The following BMP1 variants were observed in gnomAD, a reference collection of about 807,000 sequenced individuals.
BMP1 encodes mammalian tolloid protein.
BMP1 carries 63 observed loss-of-function variants against 116.8 expected under a neutral mutation model. The observed-to-expected ratio is 0.54, with a 90% CI of 0.44 to 0.67. BMP1 has a LOEUF of 0.67. Ranked by LOEUF, BMP1 falls within the 30% of genes least tolerant of loss-of-function variation. BMP1 has a pLI of 0.00. For missense variants in BMP1, 1,183 were observed against 1,358.9 expected, an observed-to-expected ratio of 0.87 and a Z score of 2.04; for synonymous variants, 536 against 533.4, an observed-to-expected ratio of 1.00 and a Z score of -0.07.
intron 16 of BMP1, among the ~76,000 whole-genome samples, chr8:22,203,343 G>A (rs1829297936): frequency 6.6e-6 from 1 of 152,156 alleles, no homozygotes; most frequent in African/African-American, 2.4e-5. Flanking sequence ...ATCACTTGAG[G>A]TCAGGAATTC....
At chr8:22,191,347 C>A (rs1310299859) in intron 8 of BMP1, among the ~76,000 whole-genome samples, 1 of 152,222 alleles carries the variant, frequency 6.6e-6, no homozygotes, top group East Asian at 1.9e-4. Flanking sequence ...TGTCTCATCC[C>A]TCCCTAAGCC....
intron 1 of BMP1, chr8:22,169,222 C>T (rs531883481): frequency 6.6e-6 from 1 of 151,380 alleles, no homozygotes; most frequent in Non-Finnish European, 1.5e-5. Flanking sequence ...CTCCAGAGAT[C>T]TGGGGAGAAG....
chr8:22,169,700 A>G (rs1482896181), intron 1 of BMP1: 1 of 152,260 alleles, frequency 6.6e-6, no homozygotes, highest in African/African-American at 2.4e-5. Context: ...AGTCCTGCAC[A>G]TATAGCCTTG....
At position 22,194,787 on chromosome 8, in the gene BMP1, A is replaced by G. The variant is rs1450422249; in HGVS notation, c.1507A>G (p.Ser503Gly). Residue 503 changes from serine to glycine, a missense_variant, in exon 12 of 20, where the codon AGC (serine) becomes GGC (glycine). This residue lies in a region of BMP1 where 956 missense variants were observed against 1,135.2 expected (regional missense o/e 0.84). Transcript: ENST00000306385. This position sits in a 1 kb window ranked among gnomAD's most constrained non-coding sequence, Gnocchi z 4.5. Reference protein sequence around the residue: ...LEVRDGHSESSTLIGRYCGYE... With the variant: ...LEVRDGHSESGTLIGRYCGYE... ...GGTGCGCGACGGGCACAGTGAGAGC[A>G]GCACCCTCATCGGGCGCTACTGTGG... 6.2e-7 allele frequency: 1 copy of G among 1,614,078 alleles called. No individual in the cohort carries two copies. The highest frequency in any genetic ancestry group is 8.5e-7 in the Non-Finnish European group (1 of 1,179,976).
At chr8:22,183,332 C>T (rs563588576) in intron 8 of BMP1, among the ~76,000 whole-genome samples, 7 of 152,260 alleles carry the variant, frequency 4.6e-5, no homozygotes, top group African/African-American at 1.4e-4. Context: ...GGGAGGATTG[C>T]TTGAGCCTGG....
At chr8:22,201,418 T>A in intron 15 of BMP1, 1 of 1,426,618 alleles carries the variant, frequency 7.0e-7, no homozygotes, top group South Asian at 1.5e-5. Context: ...ATTTTGATGG[T>A]GTCTGTGACA....
chr8:22,192,091 C>T lies in BMP1; in HGVS notation c.1120C>T (p.Leu374=), dbSNP rs1323358473. ...GTCCCTGGACCTGTACCGCAGCCGCCTGTGCTGGTACGACTATGTGGAGGT... is the reference window on the plus strand; with the variant it reads ...GTCCCTGGACCTGTACCGCAGCCGCTTGTGCTGGTACGACTATGTGGAGGT... ...FTSLDLYRSR[L]CWYDYVEVRD... Residue 374 remains leucine (L), a synonymous_variant, in exon 9 of 20, where the codon CTG becomes TTG. Transcript: ENST00000306385. 31 of 1,613,928 alleles carry T rather than the reference C, an allele frequency of 1.9e-5. No homozygotes were observed. Among genetic ancestry groups the T allele is most frequent in the Non-Finnish European group, 2.5e-5 (30 of 1,179,924 alleles).
At chr8:22,177,818 C>T in intron 5 of BMP1, 34 bp from the exon 6 acceptor site, 2 of 1,522,672 alleles carry the variant, frequency 1.3e-6, no homozygotes, top group Non-Finnish European at 1.8e-6. Context: ...CCACCCCCTC[C>T]TCTCCCCCCA....
chr8:22,182,115 T>C (rs1238539319), intron 8 of BMP1, among the ~76,000 whole-genome samples: 2 of 152,252 alleles, frequency 1.3e-5, no homozygotes, highest in African/African-American at 2.4e-5. Flanking sequence ...TTTTCCTTGA[T>C]TGGGGCATGG....
chr8:22,195,824 T>A (rs1829068365), intron 13 of BMP1, among the ~76,000 whole-genome samples: 1 of 152,196 alleles, frequency 6.6e-6, no homozygotes, highest in South Asian at 2.1e-4. Flanking sequence ...TTTTAAAATT[T>A]TTTTTGTAGC....
intron 9 of BMP1, 106 bp from the exon 10 acceptor site, chr8:22,193,952 G>A: frequency 1.2e-6 from 1 of 844,266 alleles, no homozygotes; most frequent in Non-Finnish European, 2.0e-6. Flanking sequence ...GTGAAGTAGG[G>A]TGGCCACAGA....
chr8:22,174,527 A>G (rs1828374239), intron 2 of BMP1, among the ~76,000 whole-genome samples: 1 of 151,244 alleles, frequency 6.6e-6, no homozygotes, highest in African/African-American at 2.4e-5. Context: ...AAAGCTCCTC[A>G]CTGCCAGTGC....
chr8:22,205,215 G>A (rs985087643), intron 16 of BMP1, among the ~76,000 whole-genome samples: 1 of 152,142 alleles, frequency 6.6e-6, no homozygotes, highest in Non-Finnish European at 1.5e-5. Flanking sequence ...TTGAGGAGGG[G>A]GCTGGATGTT....
At chr8:22,195,664 T>A in intron 13 of BMP1, 77 bp downstream of exon 13, 2 of 1,459,902 alleles carry the variant, frequency 1.4e-6, no homozygotes, top group Admixed American at 2.2e-5. Context: ...TTTTTTTTTT[T>A]AGACAGGCTT....
Position 22,179,661 on chromosome 8 carries a change from C to A in BMP1, c.837-44C>A. 6.2e-7 allele frequency: 1 copy of A among 1,611,414 alleles called. No individual in the cohort carries two copies. The highest frequency in any genetic ancestry group is 1.7e-5 in the Admixed American group (1 of 59,924). On this transcript the variant is annotated intron_variant, in intron 6 of 19. Transcript: ENST00000306385. This position sits in a 1 kb window ranked among gnomAD's most constrained non-coding sequence, Gnocchi z 4.6. ...GGGCATGCCACCCACTCCCTGCCCACTGTCCATGAGACGCTCACCCTTACT... is the reference window on the plus strand; with the variant it reads ...GGGCATGCCACCCACTCCCTGCCCAATGTCCATGAGACGCTCACCCTTACT...
chr8:22,179,621 C>T lies in BMP1; in HGVS notation c.837-84C>T, dbSNP rs781183937. The T allele has an allele frequency of 8.7e-6, 14 of 1,601,448 alleles. No individual in the cohort carries two copies. Among genetic ancestry groups the T allele is most frequent in the Non-Finnish European group, 1.2e-5 (14 of 1,172,980 alleles). ...TGTCTGAGCTCCAGCAGGGTCGTGA[C>T]TTGTGGGTACAGATGGGCATGCCAC... On this transcript the variant is annotated intron_variant, in intron 6 of 19. Transcript: ENST00000306385. This position sits in a 1 kb window ranked among gnomAD's most constrained non-coding sequence, Gnocchi z 4.6.
At chr8:22,196,321 C>G (rs201799750) in intron 13 of BMP1, 2 of 570,126 alleles carry the variant, frequency 3.5e-6, no homozygotes, top group African/African-American at 3.7e-5. Flanking sequence ...GCTGTGCCCC[C>G]GAGCTGCTCC....
intron 9 of BMP1, among the ~76,000 whole-genome samples, chr8:22,192,704 G>A (rs1373831032): frequency 1.3e-5 from 2 of 152,178 alleles, no homozygotes; most frequent in African/African-American, 4.8e-5. Flanking sequence ...GGGGCAGGAG[G>A]TGAGTCAGTG....
At chr8:22,205,447 A>G (rs909426464) in intron 16 of BMP1, among the ~76,000 whole-genome samples, 1 of 152,062 alleles carries the variant, frequency 6.6e-6, no homozygotes, top group African/African-American at 2.4e-5. Context: ...AGTGGGAGAG[A>G]ATAGAAAGAT....
Sources: allele counts gnomAD v4.1 joint callset (sites outside exome capture counted in the v4.1 genomes callset), GRCh38; gene constraint gnomAD v4.1.1; regional missense constraint gnomAD v4.1.1; non-coding constraint Gnocchi (gnomAD v3.1); transcripts MANE v1.5; gene names NCBI Gene and HGNC (gene_info 2026-07-23, HGNC 2026-07-21).